The following CDK19 variants were observed in gnomAD, a reference collection of about 807,000 sequenced individuals.
CDK19 encodes cyclin-dependent kinase 19.
CDK19 carries 20 observed loss-of-function variants against 68.3 expected under a neutral mutation model. The observed-to-expected ratio is 0.29, with a 90% CI of 0.21 to 0.43. The LOEUF is 0.43. Ranked by LOEUF, CDK19 falls within the 20% of genes least tolerant of loss-of-function variation. The pLI, the probability that CDK19 is intolerant of heterozygous loss-of-function variation, is 1.00. For synonymous variants in CDK19, 221 were observed against 222.8 expected, an observed-to-expected ratio of 0.99 and a Z score of 0.07; for missense variants, 339 against 623.5, an observed-to-expected ratio of 0.54 and a Z score of 4.86.
intron 5 of CDK19, among the ~76,000 whole-genome samples, chr6:110,632,857 T>A (rs565913976): frequency 6.6e-6 from 1 of 152,318 alleles, no homozygotes; most frequent in Admixed American, 6.5e-5. Flanking sequence ...CATTCTTAAG[T>A]GTTTTTGAAA....
chr6:110,750,040 G>T lies in CDK19; in HGVS notation c.129-3839C>A, dbSNP rs550621634. On this transcript the variant is annotated intron_variant, in intron 1 of 12. Coordinates refer to ENST00000368911, the MANE Select transcript of CDK19 (RefSeq NM_015076.5). Reference sequence around the variant, plus strand: ...CCGCCTTGGCCTCCCAAAGTGCTGGGATTATAGGCGTGAGCCACTGCGCCC... The same window carrying T: ...CCGCCTTGGCCTCCCAAAGTGCTGGTATTATAGGCGTGAGCCACTGCGCCC... 2.0e-4 allele frequency among the ~76,000 whole-genome samples: 29 copies of T among 145,864 alleles called. 6 individuals are homozygous for T. In the East Asian group the frequency reaches 6.2e-3, roughly 31 times the overall value.
intron 1 of CDK19, among the ~76,000 whole-genome samples, chr6:110,768,211 T>G (rs1562272423): frequency 6.6e-6 from 1 of 152,198 alleles, no homozygotes; most frequent in East Asian, 1.9e-4. Flanking sequence ...CCCACTAGCA[T>G]GGCTAAAATC....
intron 1 of CDK19, among the ~76,000 whole-genome samples, chr6:110,774,533 C>T (rs1445585870): frequency 6.6e-6 from 1 of 152,156 alleles, no homozygotes; most frequent in Non-Finnish European, 1.5e-5. Flanking sequence ...AAAATGGGTA[C>T]AATTTGAAAC....
intron 1 of CDK19, among the ~76,000 whole-genome samples, chr6:110,756,471 A>C (rs1205031228): frequency 9.9e-5 from 15 of 151,432 alleles, no homozygotes; most frequent in Non-Finnish European, 1.5e-4. Context: ...CTGAGGCTGG[A>C]AGATCACTTG....
intron 2 of CDK19, among the ~76,000 whole-genome samples, chr6:110,689,943 C>A (rs903175965): frequency 1.3e-5 from 2 of 152,088 alleles, no homozygotes; most frequent in African/African-American, 2.4e-5. Context: ...GGGACAAAAT[C>A]ATTGCGACAG....
intron 2 of CDK19, among the ~76,000 whole-genome samples, chr6:110,682,304 A>T (rs1160379287): frequency 6.6e-6 from 1 of 152,202 alleles, no homozygotes; most frequent in East Asian, 1.9e-4. Context: ...ATCATTTTTT[A>T]AAATGTCTTA....
chr6:110,739,586 G>A (rs1777498930), intron 2 of CDK19, among the ~76,000 whole-genome samples: 1 of 151,728 alleles, frequency 6.6e-6, no homozygotes, highest in Non-Finnish European at 1.5e-5. Flanking sequence ...TCTCGATGTT[G>A]TTAGAAGTAC....
chr6:110,688,047 A>C (rs770255051), intron 2 of CDK19, among the ~76,000 whole-genome samples: 1 of 152,138 alleles, frequency 6.6e-6, no homozygotes, highest in Non-Finnish European at 1.5e-5. Flanking sequence ...ACTTCGATAC[A>C]CTTCAAACAA....
At chr6:110,769,245 T>C (rs987509042) in intron 1 of CDK19, among the ~76,000 whole-genome samples, 5 of 150,874 alleles carry the variant, frequency 3.3e-5, no homozygotes, top group African/African-American at 1.2e-4. Context: ...TTAACAAATG[T>C]GTCTCAGTAA....
chr6:110,642,277 C>G (rs1471985226), intron 4 of CDK19, among the ~76,000 whole-genome samples: 2 of 147,644 alleles, frequency 1.4e-5, no homozygotes, highest in Non-Finnish European at 3.0e-5. Context: ...CCACCGCACT[C>G]CAGCCTAGGC....
At chr6:110,753,376 A>G (rs1003200925) in intron 1 of CDK19, among the ~76,000 whole-genome samples, 2 of 152,030 alleles carry the variant, frequency 1.3e-5, no homozygotes, top group East Asian at 3.9e-4. Context: ...AAACTTTCAA[A>G]ACAACTAGAA....
chr6:110,661,240 C>A (rs1781599737), intron 4 of CDK19, among the ~76,000 whole-genome samples: 1 of 152,144 alleles, frequency 6.6e-6, no homozygotes, highest in Non-Finnish European at 1.5e-5. Flanking sequence ...AAAAGCAATA[C>A]ACATTCAGTA....
At chr6:110,778,701 A>G (rs1047996412) in intron 1 of CDK19, among the ~76,000 whole-genome samples, 5 of 152,042 alleles carry the variant, frequency 3.3e-5, no homozygotes, top group Non-Finnish European at 1.5e-5. Context: ...GGAACAGACC[A>G]TGGTTTTATT....
Position 110,617,651 on chromosome 6 carries a change from T to TTATATA in CDK19, c.1378-2991_1378-2986dup, listed in dbSNP as rs1164239935. On this transcript the variant is annotated intron_variant, in intron 12 of 12. Coordinates refer to ENST00000368911, the MANE Select transcript of CDK19 (RefSeq NM_015076.5). The stretch of plus-strand genomic sequence containing the variant: ...AAAATAATAATAATAATAAAATTAT[T>TTATATA]TATATATATATACACACACACACAC... 6.4e-3 allele frequency among the ~76,000 whole-genome samples: 636 copies of TTATATA among 98,778 alleles called. 9 individuals are homozygous for TTATATA. The highest frequency in any genetic ancestry group is 0.028 in the African/African-American group (604 of 21,778). The allele number at this position is 98,778 out of a possible 152,430, so 64.8% of individuals were successfully genotyped here. A position where few individuals can be genotyped will look rare whatever the true frequency, so the allele number is the denominator to read the frequency against.
chr6:110,793,773 T>C (rs969835553), intron 1 of CDK19, among the ~76,000 whole-genome samples: 4 of 152,258 alleles, frequency 2.6e-5, no homozygotes, highest in African/African-American at 7.2e-5. Context: ...CTTCCCCTTC[T>C]TCCTGACTAG....
At chr6:110,741,232 G>A (rs567198213) in intron 2 of CDK19, among the ~76,000 whole-genome samples, 1 of 151,898 alleles carries the variant, frequency 6.6e-6, no homozygotes, top group African/African-American at 2.4e-5. Flanking sequence ...GAGGCAGGAG[G>A]ATCACTTGAG....
At position 110,621,116 on chromosome 6, in the gene CDK19, G is replaced by A; in HGVS notation, c.1365C>T (p.Pro455=). The A allele has an allele frequency of 1.2e-6, 2 of 1,612,978 alleles. No homozygotes were observed. The highest frequency in any genetic ancestry group is 1.1e-5 in the South Asian group (1 of 90,876). Residue 455 remains proline, a synonymous_variant, in exon 12 of 13, where the codon CCC becomes CCT. Coordinates refer to ENST00000368911, the MANE Select transcript of CDK19 (RefSeq NM_015076.5). This position sits in a 1 kb window ranked among gnomAD's most constrained non-coding sequence, Gnocchi z 5.4. ...ATTCAGGGAGTACCTGATAATCCGA[G>A]GGCATCACAGGTCCACCTGAGTTTG... ...SGANSGGPVM[P]SDYQHSSSRL...
In CDK19 at chr6:110,710,703, G is replaced by A. The variant is rs12174780; in HGVS notation, c.204+35423C>T. 0.022 allele frequency among the ~76,000 whole-genome samples: 3,320 copies of A among 152,116 alleles called. 370 individuals carry two copies. In the East Asian group the frequency reaches 0.36, roughly 16 times the overall value. ...GTCTTTCTGTGGTCCTGTTTATAAC[G>A]GCACCAATCTCATTCATGAGTGTGA... On this transcript the variant is annotated intron_variant, in intron 2 of 12. Transcript: ENST00000368911.
chr6:110,671,360 C>T (rs1374895194), intron 2 of CDK19, among the ~76,000 whole-genome samples: 1 of 152,090 alleles, frequency 6.6e-6, no homozygotes, highest in Non-Finnish European at 1.5e-5. Context: ...TGTCCTTAAA[C>T]AGGGTTCAGA....
Sources: gnomAD v4.1 joint callset for allele counts (sites outside exome capture counted in the v4.1 genomes callset) on GRCh38, gnomAD v4.1.1 for gene constraint, Gnocchi (gnomAD v3.1) non-coding constraint, MANE v1.5 for transcripts, NCBI Gene and HGNC (gene_info 2026-07-23, HGNC 2026-07-21) for gene names.